PARD3: variants seen among roughly 807,000 people sequenced by gnomAD.
PARD3 encodes partitioning defective 3 homolog.
PARD3 carries 75 observed loss-of-function variants against 155.4 expected under a neutral mutation model. That is an observed-to-expected ratio of 0.48 (90% CI 0.40 to 0.58). The LOEUF (loss-of-function observed/expected upper bound fraction) is 0.58. Ranked by LOEUF, PARD3 falls within the 20% of genes least tolerant of loss-of-function variation. PARD3 has a pLI of 0.00. For synonymous variants in PARD3, 576 were observed against 610.5 expected (o/e 0.94, Z 0.83); for missense variants, 1,642 against 1,721.7 (o/e 0.95, Z 0.82).
intron 22 of PARD3, among the ~76,000 whole-genome samples, chr10:34,194,930 C>T (rs1950875064): frequency 6.6e-6 from 1 of 152,166 alleles, no homozygotes; most frequent in Non-Finnish European, 1.5e-5. Context: ...GATAAAATTT[C>T]AACTTCTGTT....
chr10:34,749,891 G>C (rs1206463188), intron 1 of PARD3, among the ~76,000 whole-genome samples: 1 of 152,076 alleles, frequency 6.6e-6, no homozygotes, highest in Non-Finnish European at 1.5e-5. Flanking sequence ...GTGTGGTGGT[G>C]TGCGCCTGTG....
intron 1 of PARD3, among the ~76,000 whole-genome samples, chr10:34,812,791 C>A (rs887835609): frequency 6.6e-6 from 1 of 152,124 alleles, no homozygotes; most frequent in Non-Finnish European, 1.5e-5. Flanking sequence ...CACTATCACC[C>A]TCCCTTCCTT....
chr10:34,691,240 C>T (rs967089735), intron 2 of PARD3, among the ~76,000 whole-genome samples: 1 of 152,168 alleles, frequency 6.6e-6, no homozygotes, highest in African/African-American at 2.4e-5. Context: ...ACAACTTCAG[C>T]AAAGTTTCAG....
chr10:34,620,799 A>C (rs1187758863), intron 2 of PARD3, among the ~76,000 whole-genome samples: 2 of 152,252 alleles, frequency 1.3e-5, no homozygotes, highest in Non-Finnish European at 2.9e-5. Context: ...CTCATTTTTT[A>C]TGAAAACTGC....
At chr10:34,400,670 G>A (rs1843784356) in intron 6 of PARD3, among the ~76,000 whole-genome samples, 1 of 152,056 alleles carries the variant, frequency 6.6e-6, no homozygotes. Context: ...ATAAAAACCT[G>A]AAGTTATCCT....
chr10:34,502,536 A>T (rs1172617811), intron 3 of PARD3, among the ~76,000 whole-genome samples: 1 of 152,208 alleles, frequency 6.6e-6, no homozygotes, highest in Non-Finnish European at 1.5e-5. Flanking sequence ...ATGATTTGTT[A>T]TAGCAAGAAT....
rs371509840 is a variant in PARD3 at position 34,739,587 on chromosome 10, T to C, written c.121-43168A>G. 9.9e-5 allele frequency among the ~76,000 whole-genome samples: 15 copies of C among 152,180 alleles called. 1 individual carries two copies. The South Asian group carries it at 3.1e-3, about 32-fold the overall frequency. ...TCAGTGCTTCCCTCTGTCCCAGAGG[T>C]CCTGTGATATCCCCTCCTCTTGCCC... On this transcript the variant is annotated intron_variant, in intron 1 of 24. Coordinates refer to ENST00000374788, the MANE Select transcript of PARD3 (RefSeq NM_001184785.2).
Position 34,665,541 on chromosome 10 carries a change from T to TA in PARD3, c.222+30776dup, listed in dbSNP as rs755953603. 1.3e-3 allele frequency among the ~76,000 whole-genome samples: 196 copies of TA among 150,312 alleles called. 1 individual carries two copies. Among genetic ancestry groups the TA allele is most frequent in the Non-Finnish European group, 2.2e-3 (148 of 67,632 alleles). On this transcript the variant is annotated intron_variant, in intron 2 of 24. Transcript: ENST00000374788. The stretch of plus-strand genomic sequence containing the variant: ...ATCACAAAAAAATTTTAAAAATTTT[T>TA]AAAAAAAAGAAATTCTGGGCCTGGC...
At chr10:34,341,489 A>G in intron 16 of PARD3, 138 bp downstream of exon 16, 1 of 566,122 alleles carries the variant, frequency 1.8e-6, no homozygotes, top group Non-Finnish European at 3.0e-6. Flanking sequence ...ATCTTTTATT[A>G]TAAGAGTGAT....
intron 16 of PARD3, among the ~76,000 whole-genome samples, chr10:34,341,010 G>A (rs1001970253): frequency 6.6e-6 from 1 of 151,928 alleles, no homozygotes; most frequent in Non-Finnish European, 1.5e-5. Flanking sequence ...TAATTACTAG[G>A]CATAAACATT....
chr10:34,370,807 GGT>G (rs3040369), intron 12 of PARD3, among the ~76,000 whole-genome samples: 55,063 of 145,336 alleles, frequency 0.38, 11,218 homozygotes, highest in East Asian at 0.71. Context: ...ATACAAATGG[GGT>G]GTGTGTGTGT....
chr10:34,641,909 A>G (rs906472349), intron 2 of PARD3, among the ~76,000 whole-genome samples: 2 of 152,134 alleles, frequency 1.3e-5, no homozygotes, highest in Non-Finnish European at 2.9e-5. Flanking sequence ...GGCAGAGGAG[A>G]AGAGGCACGG....
intron 20 of PARD3, among the ~76,000 whole-genome samples, chr10:34,297,076 T>C (rs1956944749): frequency 6.6e-6 from 1 of 152,120 alleles, no homozygotes; most frequent in Non-Finnish European, 1.5e-5. Flanking sequence ...ATTCCAGCAC[T>C]TAGGACTGCT....
At chr10:34,317,385 C>A (rs1713147080) in intron 19 of PARD3, 47 bp from the exon 20 acceptor site, 1 of 1,550,964 alleles carries the variant, frequency 6.4e-7, no homozygotes, top group African/African-American at 1.4e-5. Context: ...ACCAACGCAA[C>A]AAAAATAATA....
At chr10:34,729,256 C>T (rs1172895950) in intron 1 of PARD3, among the ~76,000 whole-genome samples, 2 of 152,098 alleles carry the variant, frequency 1.3e-5, no homozygotes, top group Non-Finnish European at 2.9e-5. Context: ...ATTGGCCAGG[C>T]GTGGAGGCTC....
intron 24 of PARD3, among the ~76,000 whole-genome samples, chr10:34,118,271 C>G (rs76416445): frequency 6.6e-6 from 1 of 152,226 alleles, no homozygotes; most frequent in South Asian, 2.1e-4. Flanking sequence ...GACTCATTCA[C>G]ATCCATGTCC....
intron 4 of PARD3, among the ~76,000 whole-genome samples, chr10:34,455,007 C>T (rs1387940198): frequency 6.6e-6 from 1 of 152,088 alleles, no homozygotes; most frequent in South Asian, 2.1e-4. Context: ...GGCTCATTCC[C>T]GGCATACTAA....
At chr10:34,769,567 G>C (rs1370015965) in intron 1 of PARD3, among the ~76,000 whole-genome samples, 1 of 151,652 alleles carries the variant, frequency 6.6e-6, no homozygotes, top group Non-Finnish European at 1.5e-5. Flanking sequence ...ACCAGCTTGG[G>C]CAACACGGCA....
At chr10:34,246,465 C>T (rs1460401096) in intron 22 of PARD3, among the ~76,000 whole-genome samples, 1 of 152,130 alleles carries the variant, frequency 6.6e-6, no homozygotes, top group Non-Finnish European at 1.5e-5. Flanking sequence ...CAAAACCAAA[C>T]CACACTGCAG....
Sources: allele counts gnomAD v4.1 joint callset (sites outside exome capture counted in the v4.1 genomes callset), GRCh38; gene constraint gnomAD v4.1.1; transcripts MANE v1.5; gene names NCBI Gene and HGNC (gene_info 2026-07-23, HGNC 2026-07-21).